LAMTOR4: variants seen among roughly 807,000 people sequenced by gnomAD.
LAMTOR4 encodes ragulator complex protein LAMTOR4.
Under a neutral mutation model 13.5 loss-of-function variants are expected in LAMTOR4, and 11 were observed. That is an observed-to-expected ratio of 0.82 (90% CI 0.51 to 1.35). LAMTOR4 has a LOEUF of 1.35. Among genes scored for constraint, LAMTOR4 ranks in the 40% most tolerant of loss-of-function variants. The probability of loss-of-function intolerance (pLI) is 0.00; values close to 1 mark genes in which losing one functional copy is unlikely to be tolerated. For missense variants in LAMTOR4, 128 were observed against 126.2 expected (o/e 1.01, Z -0.07); for synonymous variants, 69 against 52.3 (o/e 1.32, Z -1.38).
chr7:100,150,697 G>C (rs1798672150), intron 2 of LAMTOR4, among the ~76,000 whole-genome samples: 1 of 152,108 alleles, frequency 6.6e-6, no homozygotes, highest in African/African-American at 2.4e-5. Flanking sequence ...ATTAAGAGAT[G>C]AGACTGGGCT....
rs76212539 is a variant in LAMTOR4 at position 100,153,656 on chromosome 7, C to T, written c.202+139C>T. On this transcript the variant is annotated intron_variant, in intron 3 of 3. Transcript: ENST00000341942. The stretch of plus-strand genomic sequence containing the variant: ...GCCACTTTCCTCCCTTTGGGACTCC[C>T]TGGTATCAGAATTGTGAATGAGAAG... 5.8e-3 allele frequency: 4,828 copies of T among 833,324 alleles called. 161 individuals carry two copies. The African/African-American group carries it at 0.072, about 12-fold the overall frequency. 51.6% of individuals were successfully genotyped at this position (833,324 alleles called of 1,614,324 possible).
rs377260340 is a variant in LAMTOR4 at position 100,149,024 on chromosome 7, C to G, written c.3+49C>G. On this transcript the variant is annotated intron_variant, in intron 1 of 3. Transcript: ENST00000341942. Reference sequence around the variant, plus strand: ...AGGACCCGCCGGGGGTTCAGCGTCTCTGCTCCCCAGTCTGTGTGGTTTCCC... The same window carrying G: ...AGGACCCGCCGGGGGTTCAGCGTCTGTGCTCCCCAGTCTGTGTGGTTTCCC... 31 of 1,596,544 alleles carry G rather than the reference C, an allele frequency of 1.9e-5. No individual in the cohort carries two copies. In the African/African-American group the frequency reaches 3.1e-4, roughly 16 times the overall value.
In LAMTOR4 at chr7:100,153,370, C is replaced by T. The variant is rs568697931; in HGVS notation, c.85-30C>T. On this transcript the variant is annotated intron_variant, in intron 2 of 3. Coordinates refer to ENST00000341942, the MANE Select transcript of LAMTOR4 (RefSeq NM_001008395.4). The stretch of plus-strand genomic sequence containing the variant: ...CTTCCTGAGCCTGTGCCGTAATGCC[C>T]GCCCCTCTCCCTCCTCCGTCTGCAT... 51 of 1,490,262 alleles carry T rather than the reference C, an allele frequency of 3.4e-5. No individual in the cohort carries two copies. In the Admixed American group the frequency reaches 6.2e-4, roughly 18 times the overall value. 92.3% of individuals were successfully genotyped at this position (1,490,262 alleles called of 1,614,324 possible).
intron 2 of LAMTOR4, among the ~76,000 whole-genome samples, chr7:100,150,065 A>C (rs1413156714): frequency 6.6e-6 from 1 of 152,124 alleles, no homozygotes; most frequent in African/African-American, 2.4e-5. Context: ...GCGTGAGCCA[A>C]CATGCCTGGC....
Position 100,153,496 on chromosome 7 carries a change from G to T in LAMTOR4, c.181G>T (p.Val61Leu). 1 of 1,608,102 alleles carries T rather than the reference G, an allele frequency of 6.2e-7. No individual in the cohort carries two copies. The part of the protein sequence containing the change: ...CGFRLHRGMN[V>L]PFKRLSVVFG... ...TTTCCGGCTGCACCGCGGCATGAAT[G>T]TGCCCTTCAAGCGCCTGTCTGGTGA... is the stretch of plus-strand genomic sequence containing the variant. Residue 61 changes from valine to leucine, a missense_variant, in exon 3 of 4, where the codon GTG (valine) becomes TTG (leucine). By Grantham distance (32) the Val-to-Leu change is conservative. Coordinates refer to ENST00000341942, the MANE Select transcript of LAMTOR4 (RefSeq NM_001008395.4).
chr7:100,148,961 C>T lies in LAMTOR4; in HGVS notation c.-12C>T, dbSNP rs1169604852. The stretch of plus-strand genomic sequence containing the variant: ...TATCTGGTAGGGAGCTCCCCCAGCA[C>T]CGAAGACTGCGATGGTGAGTGAGGA... On this transcript the variant is annotated 5_prime_UTR_variant, in exon 1 of 4. Transcript: ENST00000341942. 1.2e-6 allele frequency: 2 copies of T among 1,612,282 alleles called. No individual in the cohort carries two copies. The highest frequency in any genetic ancestry group is 8.5e-7 in the Non-Finnish European group (1 of 1,179,950).
At position 100,149,503 on chromosome 7, in the gene LAMTOR4, C is replaced by A. The variant is rs774883474; in HGVS notation, c.8C>A (p.Ser3Tyr). MT[S>Y]ALTQGLERIP... ...ACTTGCATCTTTACCCACTAGACTT[C>A]TGCGCTGACCCAGGGGCTGGAGCGA... The change falls in exon 2 of 4, where the codon TCT (serine) becomes TAT (tyrosine). Residue 3 changes from serine to tyrosine, a missense_variant. Transcript: ENST00000341942. 6.8e-6 allele frequency: 11 copies of A among 1,612,530 alleles called. No individual in the cohort carries two copies. In the South Asian group the frequency reaches 9.9e-5, roughly 14 times the overall value.
chr7:100,152,010 A>G (rs1273023886), intron 2 of LAMTOR4, among the ~76,000 whole-genome samples: 2 of 152,196 alleles, frequency 1.3e-5, no homozygotes, highest in Non-Finnish European at 2.9e-5. Context: ...GGCTGGAAGA[A>G]GTTATTTTAA....
intron 2 of LAMTOR4, 54 bp downstream of exon 2, chr7:100,149,633 TTCTA>T: frequency 7.6e-7 from 1 of 1,323,746 alleles, no homozygotes; most frequent in Non-Finnish European, 1.1e-6. Context: ...CGGTAACCCC[TTCTA>T]ATATTGGCCC....
intron 1 of LAMTOR4, 68 bp downstream of exon 1, chr7:100,149,043 G>C (rs965908740): frequency 1.9e-6 from 3 of 1,570,056 alleles, no homozygotes; most frequent in Non-Finnish European, 2.6e-6. Context: ...AGTCTGTGTG[G>C]TTTCCCCCTG....
chr7:100,153,388 G>A lies in LAMTOR4; in HGVS notation c.85-12G>A, dbSNP rs758805437. 9.4e-6 allele frequency: 15 copies of A among 1,588,174 alleles called. No individual in the cohort carries two copies. The highest frequency in any genetic ancestry group is 1.3e-5 in the African/African-American group (1 of 74,574). On this transcript the variant is annotated splice_polypyrimidine_tract_variant and intron_variant, in intron 2 of 3. Transcript: ENST00000341942. ...TAATGCCCGCCCCTCTCCCTCCTCC[G>A]TCTGCATGCAGTCATCTGGGGACCT...
rs1003686002 is a variant in LAMTOR4, at chr7:100,153,442, A to T, written c.127A>T (p.Ile43Phe). 1.9e-5 allele frequency: 30 copies of T among 1,611,288 alleles called. No homozygotes were observed. Among genetic ancestry groups the T allele is most frequent in the Non-Finnish European group, 2.5e-5 (30 of 1,179,970 alleles). The change falls in exon 3 of 4, where the codon ATC becomes TTC. Residue 43 changes from isoleucine (I) to phenylalanine (F), a missense_variant. By Grantham distance (21) the Ile-to-Phe change is conservative. Coordinates refer to ENST00000341942, the MANE Select transcript of LAMTOR4 (RefSeq NM_001008395.4). ...GAATGATGAGCAGGCAGCCAGTGCC[A>T]TCTCTGAGCTGGTCAGCACAGCCTG... ...LENDEQAASA[I>F]SELVSTACGF...
Position 100,153,504 on chromosome 7 carries a change from C to T in LAMTOR4, c.189C>T (p.Phe63=), listed in dbSNP as rs1798778913. 2 of 1,607,290 alleles carry T rather than the reference C, an allele frequency of 1.2e-6. No individual in the cohort carries two copies. The highest frequency in any genetic ancestry group is 1.7e-6 in the Non-Finnish European group (2 of 1,179,956). ...FRLHRGMNVP[F]KRLSVVFGEH... ...TGCACCGCGGCATGAATGTGCCCTT[C>T]AAGCGCCTGTCTGGTGAGCCCCTGC... Residue 63 remains phenylalanine (F), a synonymous_variant, in exon 3 of 4, where the codon TTC becomes TTT. Transcript: ENST00000341942.
chr7:100,154,025 G>T lies in LAMTOR4; in HGVS notation c.*61G>T. 7.8e-7 allele frequency: 1 copy of T among 1,278,740 alleles called. No homozygotes were observed. Among genetic ancestry groups the T allele is most frequent in the Non-Finnish European group, 1.1e-6 (1 of 898,278 alleles). 79.2% of individuals were successfully genotyped at this position (1,278,740 alleles called of 1,614,324 possible). ...GGTCCTGGGCCTCTGTGATGAGGCAGGCACACCTGTCGGTCTTGGCTTGCT... is the reference window on the plus strand; with the variant it reads ...GGTCCTGGGCCTCTGTGATGAGGCATGCACACCTGTCGGTCTTGGCTTGCT... On this transcript the variant is annotated 3_prime_UTR_variant, in exon 4 of 4. Coordinates refer to ENST00000341942, the MANE Select transcript of LAMTOR4 (RefSeq NM_001008395.4).
At chr7:100,153,776 G>C (rs758350603) in intron 3 of LAMTOR4, 91 bp from the exon 4 acceptor site, 43 of 915,544 alleles carry the variant, frequency 4.7e-5, no homozygotes, top group Non-Finnish European at 7.1e-6. Context: ...GCCAATGTGC[G>C]TGTGGCCCCG....
chr7:100,149,711 G>T, intron 2 of LAMTOR4, 132 bp downstream of exon 2: 1 of 640,246 alleles, frequency 1.6e-6, no homozygotes, highest in South Asian at 1.9e-5. Context: ...AAAAGTATTT[G>T]CAGTTTTTGC....
chr7:100,153,583 G>T, intron 3 of LAMTOR4, 66 bp downstream of exon 3: 1 of 1,383,592 alleles, frequency 7.2e-7, no homozygotes. Context: ...GGGGCTTCTC[G>T]GCTTCTCTTC....
intron 1 of LAMTOR4, 133 bp from the exon 2 acceptor site, chr7:100,149,366 G>T: frequency 1.4e-6 from 1 of 712,490 alleles, no homozygotes. Flanking sequence ...GGAGGGGGCC[G>T]GGAAGGGACC....
At chr7:100,149,130 G>C in intron 1 of LAMTOR4, 155 bp downstream of exon 1, 1 of 969,452 alleles carries the variant, frequency 1.0e-6, no homozygotes, top group East Asian at 2.6e-5. Flanking sequence ...ATGGCGACGA[G>C]AATGCTGGGG....
Sources: gnomAD v4.1 joint callset for allele counts (sites outside exome capture counted in the v4.1 genomes callset) on GRCh38, gnomAD v4.1.1 for gene constraint, MANE v1.5 for transcripts, NCBI Gene and HGNC (gene_info 2026-07-23, HGNC 2026-07-21) for gene names.